PRKCB: variants seen among roughly 807,000 people sequenced by gnomAD.
PRKCB encodes the protein protein kinase C beta, also known as protein kinase C beta type.
A neutral mutation model predicts 81.5 loss-of-function variants in PRKCB; 13 were observed. That is an observed-to-expected ratio of 0.16 (90% CI 0.10 to 0.25). The LOEUF (loss-of-function observed/expected upper bound fraction) is 0.25. Ranked by LOEUF, PRKCB falls within the 10% of genes least tolerant of loss-of-function variation. The pLI is 1.00. For missense variants in PRKCB, 509 were observed against 875.7 expected (o/e 0.58, Z 5.29); for synonymous variants, 335 against 321.4 (o/e 1.04, Z -0.45).
intron 9 of PRKCB, among the ~76,000 whole-genome samples, chr16:24,127,088 C>T (rs1459960630): frequency 1.3e-5 from 2 of 151,128 alleles, no homozygotes; most frequent in Non-Finnish European, 2.9e-5. Context: ...TCACCGCAAC[C>T]TCCGCCTCCC....
intron 5 of PRKCB, among the ~76,000 whole-genome samples, chr16:24,079,963 G>A (rs889159186): frequency 5.3e-5 from 8 of 152,010 alleles, no homozygotes; most frequent in East Asian, 1.9e-4. Flanking sequence ...CGCCTTTTTC[G>A]TCATTTTTTA....
chr16:23,852,123 T>C (rs1427344065), intron 2 of PRKCB, among the ~76,000 whole-genome samples: 2 of 152,220 alleles, frequency 1.3e-5, no homozygotes, highest in Admixed American at 6.5e-5. Flanking sequence ...TTCTCTTTCC[T>C]AATTACTCTG....
At chr16:24,162,647 G>C (rs1354722183) in intron 10 of PRKCB, among the ~76,000 whole-genome samples, 2 of 151,154 alleles carry the variant, frequency 1.3e-5, no homozygotes, top group African/African-American at 4.9e-5. Flanking sequence ...AGATGGGGTT[G>C]AGACCTATGT....
chr16:23,988,696 T>TA (rs1320502359), intron 3 of PRKCB, 106 bp downstream of exon 3: 1 of 1,081,988 alleles, frequency 9.2e-7, no homozygotes, highest in Non-Finnish European at 1.4e-6. Flanking sequence ...GATCTCACTC[T>TA]AAGGCATGTG....
intron 16 of PRKCB, among the ~76,000 whole-genome samples, chr16:24,210,953 C>T (rs1968130157): frequency 6.6e-6 from 1 of 152,174 alleles, no homozygotes; most frequent in African/African-American, 2.4e-5. Flanking sequence ...TAGCACAGAG[C>T]CTGGCATGTA....
chr16:24,210,259 G>A (rs566152066), intron 16 of PRKCB, among the ~76,000 whole-genome samples: 11 of 152,154 alleles, frequency 7.2e-5, no homozygotes, highest in South Asian at 4.1e-4. Context: ...CTCGTGGCCC[G>A]CTGTGTGGCC....
chr16:23,911,979 G>T (rs573839729), intron 2 of PRKCB, among the ~76,000 whole-genome samples: 3 of 151,524 alleles, frequency 2.0e-5, no homozygotes, highest in Non-Finnish European at 4.4e-5. Context: ...TTTCAGGTGC[G>T]CACCACCATG....
chr16:24,188,530 C>A (rs1313768342), intron 15 of PRKCB, among the ~76,000 whole-genome samples: 1 of 152,040 alleles, frequency 6.6e-6, no homozygotes, highest in Non-Finnish European at 1.5e-5. Context: ...AAAACAGTCA[C>A]CTGTTTAATT....
intron 2 of PRKCB, among the ~76,000 whole-genome samples, chr16:23,884,875 C>A (rs1238834792): frequency 6.6e-6 from 1 of 151,412 alleles, no homozygotes. Context: ...TTCTAGTAGC[C>A]CTTTGGTTCA....
intron 15 of PRKCB, among the ~76,000 whole-genome samples, chr16:24,187,878 T>C (rs1967729337): frequency 1.3e-5 from 2 of 152,178 alleles, no homozygotes; most frequent in Non-Finnish European, 2.9e-5. Context: ...CCTTTGCATC[T>C]CTGGGCTTCT....
At chr16:23,974,075 G>T (rs1338069586) in intron 2 of PRKCB, among the ~76,000 whole-genome samples, 2 of 152,182 alleles carry the variant, frequency 1.3e-5, no homozygotes, top group African/African-American at 2.4e-5. Context: ...TTTGCTCAGG[G>T]CAGGGGGCTG....
chr16:23,896,119 C>T (rs1439676063), intron 2 of PRKCB, among the ~76,000 whole-genome samples: 2 of 149,110 alleles, frequency 1.3e-5, no homozygotes, highest in Non-Finnish European at 3.0e-5. Flanking sequence ...CAAGTGTTTA[C>T]TTCTTTCTTC....
intron 16 of PRKCB, among the ~76,000 whole-genome samples, chr16:24,210,604 T>TC (rs1181352385): frequency 6.6e-6 from 1 of 151,538 alleles, no homozygotes; most frequent in African/African-American, 2.4e-5. Flanking sequence ...GCTCAAGTGA[T>TC]CCCCCCACCA....
chr16:23,958,944 T>C (rs921001072), intron 2 of PRKCB, among the ~76,000 whole-genome samples: 14 of 152,192 alleles, frequency 9.2e-5, no homozygotes, highest in African/African-American at 2.7e-4. Flanking sequence ...GTTCAAATCC[T>C]GGTTTTACAC....
At chr16:24,003,096 C>G (rs1323325374) in intron 3 of PRKCB, among the ~76,000 whole-genome samples, 2 of 152,170 alleles carry the variant, frequency 1.3e-5, no homozygotes, top group Admixed American at 6.5e-5. Context: ...CTTCTGGGTT[C>G]CAGGAGCTAC....
chr16:24,034,534 A>G (rs548099552), intron 4 of PRKCB, among the ~76,000 whole-genome samples: 1 of 152,372 alleles, frequency 6.6e-6, no homozygotes, highest in South Asian at 2.1e-4. Context: ...GGGAGTGGAT[A>G]TCCTATAACA....
At chr16:24,039,578 G>T (rs1262729567) in intron 5 of PRKCB, among the ~76,000 whole-genome samples, 1 of 152,208 alleles carries the variant, frequency 6.6e-6, no homozygotes, top group Non-Finnish European at 1.5e-5. Context: ...TGTTATGACA[G>T]CCTGAGCTGG....
chr16:23,978,571 T>G (rs953773390), intron 2 of PRKCB, among the ~76,000 whole-genome samples: 3 of 152,194 alleles, frequency 2.0e-5, no homozygotes, highest in African/African-American at 7.2e-5. Context: ...GTGGAAAAGA[T>G]GTGCACAATA....
At chr16:24,017,878 C>T (rs373557786) in intron 3 of PRKCB, among the ~76,000 whole-genome samples, 2 of 149,222 alleles carry the variant, frequency 1.3e-5, no homozygotes, top group South Asian at 2.1e-4. Flanking sequence ...TATAGGCATG[C>T]GCCACCATAA....
Sources: gnomAD v4.1 joint callset for allele counts (sites outside exome capture counted in the v4.1 genomes callset) on GRCh38, gnomAD v4.1.1 for gene constraint, MANE v1.5 for transcripts, NCBI Gene and HGNC (gene_info 2026-07-23, HGNC 2026-07-21) for gene names.